KIAA1328: variants seen among roughly 807,000 people sequenced by gnomAD.
The protein encoded by KIAA1328 is KIAA1328.
In KIAA1328, 52 loss-of-function variants were observed where a neutral mutation model predicts 68.1. The ratio of observed to expected loss-of-function variants is 0.76; its 90% CI spans 0.61 to 0.96. The LOEUF (loss-of-function observed/expected upper bound fraction) is 0.96, where lower values mean the gene tolerates loss of function less well. Among genes scored for constraint, KIAA1328 ranks in the 40% least tolerant of loss-of-function variants. The pLI is 0.00. For missense variants in KIAA1328, 641 were observed against 677.6 expected, an observed-to-expected ratio of 0.95 and a Z score of 0.60; for synonymous variants, 232 against 239.4, an observed-to-expected ratio of 0.97 and a Z score of 0.28.
At chr18:36,949,105 A>G (rs867142888) in intron 5 of KIAA1328, among the ~76,000 whole-genome samples, 9 of 152,310 alleles carry the variant, frequency 5.9e-5, no homozygotes, top group Middle Eastern at 6.8e-3. Context: ...GGGGAGAGGT[A>G]TGATGGCAGC....
At chr18:36,863,883 A>G (rs1159658635) in intron 4 of KIAA1328, among the ~76,000 whole-genome samples, 1 of 152,134 alleles carries the variant, frequency 6.6e-6, no homozygotes, top group African/African-American at 2.4e-5. Flanking sequence ...TGCTGAACTC[A>G]CTTATTAATT....
intron 7 of KIAA1328, among the ~76,000 whole-genome samples, chr18:37,147,975 ATATTTT>A (rs1321337561): frequency 2.0e-5 from 3 of 151,674 alleles, no homozygotes; most frequent in African/African-American, 4.8e-5. Context: ...TTTTTTCTTT[ATATTTT>A]TATTTTTATT....
At chr18:37,141,489 G>A (rs934381313) in intron 7 of KIAA1328, among the ~76,000 whole-genome samples, 1 of 152,134 alleles carries the variant, frequency 6.6e-6, no homozygotes, top group Non-Finnish European at 1.5e-5. Context: ...GTTTATCAGT[G>A]CATCTGTTGA....
chr18:37,203,055 C>CTT (rs1178760392), intron 9 of KIAA1328, among the ~76,000 whole-genome samples: 1 of 142,382 alleles, frequency 7.0e-6, no homozygotes, highest in Admixed American at 7.1e-5. Context: ...CCCCCTTTTC[C>CTT]TTTTTTTTTT....
At chr18:36,937,385 C>T (rs1292246127) in intron 5 of KIAA1328, among the ~76,000 whole-genome samples, 1 of 152,178 alleles carries the variant, frequency 6.6e-6, no homozygotes, top group Non-Finnish European at 1.5e-5. Flanking sequence ...TAAAGAGCTT[C>T]TGCACAGCAA....
chr18:37,169,140 A>T (rs953683546), intron 8 of KIAA1328, among the ~76,000 whole-genome samples: 8 of 149,262 alleles, frequency 5.4e-5, no homozygotes, highest in African/African-American at 2.0e-4. Flanking sequence ...ACAGCATTTT[A>T]TTTATTTATT....
intron 9 of KIAA1328, among the ~76,000 whole-genome samples, chr18:37,214,808 G>T (rs1315980276): frequency 6.6e-6 from 1 of 152,118 alleles, no homozygotes; most frequent in Non-Finnish European, 1.5e-5. Context: ...CCATTTGTTT[G>T]TGTCCTTTTT....
chr18:36,870,565 G>T (rs1429639322), intron 4 of KIAA1328, among the ~76,000 whole-genome samples: 4 of 152,104 alleles, frequency 2.6e-5, no homozygotes, highest in African/African-American at 9.7e-5. Flanking sequence ...GCGTATGTTT[G>T]GGTGGGATTT....
At chr18:37,166,765 T>G (rs916839262) in intron 8 of KIAA1328, among the ~76,000 whole-genome samples, 1 of 152,128 alleles carries the variant, frequency 6.6e-6, no homozygotes, top group African/African-American at 2.4e-5. Flanking sequence ...AGGACATTCC[T>G]TGAAAACACT....
At chr18:36,834,212 A>G in intron 1 of KIAA1328, 108 bp from the exon 2 acceptor site, 1 of 1,268,588 alleles carries the variant, frequency 7.9e-7, no homozygotes, top group Non-Finnish European at 1.0e-6. Context: ...GTTAGTTACA[A>G]ATTCCCAGGT....
intron 6 of KIAA1328, among the ~76,000 whole-genome samples, chr18:37,005,427 T>G (rs539085815): frequency 1.4e-5 from 1 of 72,322 alleles, no homozygotes; most frequent in African/African-American, 3.0e-5. Flanking sequence ...AGAATAGCTA[T>G]TATTTAAAAA....
At chr18:37,118,195 A>G (rs1010136518) in intron 7 of KIAA1328, among the ~76,000 whole-genome samples, 1 of 151,928 alleles carries the variant, frequency 6.6e-6, no homozygotes, top group Admixed American at 6.6e-5. Flanking sequence ...ACGTTTTGCT[A>G]TGTTGCCTAG....
At chr18:37,187,967 T>A (rs940193589) in intron 9 of KIAA1328, among the ~76,000 whole-genome samples, 28 of 152,126 alleles carry the variant, frequency 1.8e-4, no homozygotes, top group African/African-American at 6.3e-4. Flanking sequence ...CCACAAATGG[T>A]GTTTATAGAA....
chr18:36,985,438 C>G (rs2052878184), intron 6 of KIAA1328, among the ~76,000 whole-genome samples: 1 of 152,068 alleles, frequency 6.6e-6, no homozygotes, highest in African/African-American at 2.4e-5. Flanking sequence ...AGAACAAATT[C>G]AAAGGGCTCA....
At chr18:36,833,613 C>G (rs1222614609) in intron 1 of KIAA1328, among the ~76,000 whole-genome samples, 2 of 152,120 alleles carry the variant, frequency 1.3e-5, no homozygotes, top group Admixed American at 1.3e-4. Flanking sequence ...GGAACATGCA[C>G]AGAAGTGACA....
intron 5 of KIAA1328, 131 bp downstream of exon 5, chr18:36,885,803 C>T (rs2048480770): frequency 1.7e-6 from 1 of 577,914 alleles, no homozygotes; most frequent in Non-Finnish European, 3.0e-6. Flanking sequence ...CCGCAACCTC[C>T]ACCTCCCGGT....
intron 8 of KIAA1328, among the ~76,000 whole-genome samples, chr18:37,163,652 A>T (rs543755714): frequency 1.2e-4 from 18 of 152,298 alleles, no homozygotes; most frequent in African/African-American, 4.3e-4. Flanking sequence ...GCTTAAAATG[A>T]TGTGAGTACT....
chr18:37,094,369 A>C (rs1354981956), intron 7 of KIAA1328, among the ~76,000 whole-genome samples: 1 of 152,160 alleles, frequency 6.6e-6, no homozygotes, highest in African/African-American at 2.4e-5. Context: ...GGAAAAAAAA[A>C]ACCTGTCAGT....
chr18:36,922,866 C>T (rs1241784215), intron 5 of KIAA1328, among the ~76,000 whole-genome samples: 1 of 151,926 alleles, frequency 6.6e-6, no homozygotes, highest in African/African-American at 2.4e-5. Flanking sequence ...ATTTGGGGGT[C>T]ATTTTACGTA....
Sources: allele counts gnomAD v4.1 joint callset (sites outside exome capture counted in the v4.1 genomes callset), GRCh38; gene constraint gnomAD v4.1.1; transcripts MANE v1.5; gene names NCBI Gene and HGNC (gene_info 2026-07-23, HGNC 2026-07-21).